CACNA1E: variants seen among roughly 807,000 people sequenced by gnomAD.
The protein encoded by CACNA1E is calcium voltage-gated channel subunit alpha1 E.
A neutral mutation model predicts 259.2 loss-of-function variants in CACNA1E; 40 were observed. The observed-to-expected ratio is 0.15, with a 90% CI of 0.12 to 0.20. The LOEUF (loss-of-function observed/expected upper bound fraction) is 0.20, where lower values mean the gene tolerates loss of function less well. Ranked by LOEUF, CACNA1E falls within the 10% of genes least tolerant of loss-of-function variation. The pLI, the probability that CACNA1E is intolerant of heterozygous loss-of-function variation, is 1.00. For missense variants in CACNA1E, 1,874 were observed against 3,040.1 expected (o/e 0.62, Z 9.02); for synonymous variants, 1,104 against 1,138.5 (o/e 0.97, Z 0.61).
intron 2 of CACNA1E, among the ~76,000 whole-genome samples, chr1:181,431,116 TAA>T: frequency 6.7e-6 from 1 of 149,278 alleles, no homozygotes; most frequent in East Asian, 1.9e-4. Context: ...GTTTAAAAAA[TAA>T]AAAAAAAAGA....
chr1:181,649,571 C>T (rs1658573319), intron 6 of CACNA1E, among the ~76,000 whole-genome samples: 1 of 152,158 alleles, frequency 6.6e-6, no homozygotes, highest in Admixed American at 6.5e-5. Context: ...CATTGCAGCA[C>T]TATTCATGAT....
At chr1:181,453,226 C>T (rs1481941966) in intron 2 of CACNA1E, among the ~76,000 whole-genome samples, 1 of 152,178 alleles carries the variant, frequency 6.6e-6, no homozygotes, top group East Asian at 1.9e-4. Flanking sequence ...ACAAAGGGCC[C>T]AGGGGCAAAG....
intron 1 of CACNA1E, among the ~76,000 whole-genome samples, chr1:181,496,088 C>T (rs1572017364): frequency 6.6e-6 from 1 of 152,152 alleles, no homozygotes; most frequent in East Asian, 1.9e-4. Flanking sequence ...TTCCATAAGA[C>T]TTTTTTTCTT....
intron 6 of CACNA1E, among the ~76,000 whole-genome samples, chr1:181,646,943 C>T (rs1232813613): frequency 1.3e-5 from 2 of 152,216 alleles, no homozygotes; most frequent in Admixed American, 1.3e-4. Flanking sequence ...CTGCCGCCCC[C>T]GAACTGCTTT....
At chr1:181,424,887 A>T (rs1450176699) in intron 2 of CACNA1E, among the ~76,000 whole-genome samples, 1 of 151,864 alleles carries the variant, frequency 6.6e-6, no homozygotes, top group East Asian at 1.9e-4. Flanking sequence ...GGCTCAGGTG[A>T]ATCAGTCCCC....
chr1:181,356,878 C>T (rs1424843216), intron 1 of CACNA1E, among the ~76,000 whole-genome samples: 1 of 152,076 alleles, frequency 6.6e-6, no homozygotes, highest in Non-Finnish European at 1.5e-5. Context: ...TTAGAGTATT[C>T]TTTGGCTCCA....
At chr1:181,775,696 C>A (rs746540616) in intron 37 of CACNA1E, among the ~76,000 whole-genome samples, 1 of 152,136 alleles carries the variant, frequency 6.6e-6, no homozygotes, top group African/African-American at 2.4e-5. Context: ...TGTTTCATGA[C>A]GTGGAATTAC....
chr1:181,466,319 G>C (rs1662151653), intron 2 of CACNA1E, among the ~76,000 whole-genome samples: 1 of 152,050 alleles, frequency 6.6e-6, no homozygotes, highest in African/African-American at 2.4e-5. Context: ...AAGGCTGGTG[G>C]ATCACTTGAA....
At chr1:181,591,740 A>G (rs982463287) in intron 6 of CACNA1E, among the ~76,000 whole-genome samples, 3 of 152,192 alleles carry the variant, frequency 2.0e-5, no homozygotes, top group African/African-American at 7.2e-5. Context: ...GACTTTGGCA[A>G]CTTACTTAAT....
Position 181,420,065 on chromosome 1 carries a change from C to G in CACNA1E, c.434+6485C>G, listed in dbSNP as rs940618254. 3.3e-5 allele frequency among the ~76,000 whole-genome samples: 5 copies of G among 152,142 alleles called. No homozygotes were observed. The South Asian group carries it at 1.0e-3, about 32-fold the overall frequency. ...CAGGCAGGGTTCTCTGTGGGCAGCC[C>G]TGACAGCATCTTGCTCCTCCCAAGG... On this transcript the variant is annotated intron_variant, in intron 2 of 11. Coordinates refer to the CACNA1E transcript ENST00000524607.
At chr1:181,697,324 T>C (rs1651806337) in intron 7 of CACNA1E, among the ~76,000 whole-genome samples, 1 of 152,252 alleles carries the variant, frequency 6.6e-6, no homozygotes, top group Non-Finnish European at 1.5e-5. Context: ...GTTCTGTCAG[T>C]ACTTAGATGT....
intron 43 of CACNA1E, among the ~76,000 whole-genome samples, chr1:181,787,043 T>A (rs997113463): frequency 6.6e-6 from 1 of 152,026 alleles, no homozygotes; most frequent in Non-Finnish European, 1.5e-5. Flanking sequence ...TATCTTCTGC[T>A]TGTGTAGGAG....
intron 21 of CACNA1E, 130 bp downstream of exon 21, chr1:181,733,880 T>A: frequency 1.5e-6 from 1 of 649,514 alleles, no homozygotes; most frequent in Non-Finnish European, 2.3e-6. Context: ...TAAAAATGAG[T>A]GGCGGTTTTC....
chr1:181,705,488 A>C (rs1652704662), intron 7 of CACNA1E, among the ~76,000 whole-genome samples: 1 of 152,232 alleles, frequency 6.6e-6, no homozygotes. Flanking sequence ...CTTAGTTTCC[A>C]TGACTGAAAT....
chr1:181,520,125 C>T (rs1008101330), intron 3 of CACNA1E, among the ~76,000 whole-genome samples: 3 of 152,182 alleles, frequency 2.0e-5, no homozygotes, highest in Non-Finnish European at 4.4e-5. Flanking sequence ...TATATTGGCA[C>T]TTGCACATAT....
intron 1 of CACNA1E, among the ~76,000 whole-genome samples, chr1:181,411,430 G>C (rs1254713823): frequency 6.6e-6 from 1 of 152,098 alleles, no homozygotes; most frequent in Non-Finnish European, 1.5e-5. Flanking sequence ...GAGGAGAGAG[G>C]AGTGACCAGG....
chr1:181,790,646 G>A (rs993646587), intron 44 of CACNA1E, 90 bp downstream of exon 44: 2 of 870,836 alleles, frequency 2.3e-6, no homozygotes, highest in Admixed American at 1.9e-5. Context: ...GGTCCGTCAG[G>A]AAAATCCATT....
At chr1:181,468,636 T>A (rs1662300686) in intron 2 of CACNA1E, among the ~76,000 whole-genome samples, 2 of 152,192 alleles carry the variant, frequency 1.3e-5, no homozygotes, top group Non-Finnish European at 2.9e-5. Flanking sequence ...CACCACAGTA[T>A]CTGAGGCAGG....
At chr1:181,334,924 G>A (rs1002429850) in intron 1 of CACNA1E, among the ~76,000 whole-genome samples, 2 of 152,142 alleles carry the variant, frequency 1.3e-5, no homozygotes, top group Non-Finnish European at 2.9e-5. Context: ...CTGGCCCACC[G>A]CTTATCTCCC....
Sources: gnomAD v4.1 joint callset for allele counts (sites outside exome capture counted in the v4.1 genomes callset) on GRCh38, gnomAD v4.1.1 for gene constraint, MANE v1.5 for transcripts, NCBI Gene and HGNC (gene_info 2026-07-23, HGNC 2026-07-21) for gene names.